The following LCOR variants were observed in gnomAD, a reference collection of about 807,000 sequenced individuals.
LCOR encodes the protein ligand-dependent corepressor.
In LCOR, 14 loss-of-function variants were observed where a neutral mutation model predicts 64.4. That is an observed-to-expected ratio of 0.22 (90% CI 0.14 to 0.34). LCOR has a LOEUF of 0.34. LCOR is among the 10% of genes least tolerant of loss of function. The pLI, the probability that LCOR is intolerant of heterozygous loss-of-function variation, is 1.00. For synonymous variants in LCOR, 643 were observed against 642.5 expected (o/e 1.00, Z -0.01); for missense variants, 1,686 against 1,765.3 (o/e 0.96, Z 0.80).
intron 4 of LCOR, among the ~76,000 whole-genome samples, chr10:96,917,038 A>G (rs1468173326): frequency 6.6e-6 from 1 of 152,210 alleles, no homozygotes; most frequent in Non-Finnish European, 1.5e-5. Flanking sequence ...ATTTCCAGAG[A>G]CGTTTGGTAT....
chr10:96,983,421 G>A lies in LCOR; in HGVS notation c.2961G>A (p.Val987=). Residue 987 remains valine (V), a synonymous_variant, in exon 8 of 8, where the codon GTG becomes GTA. Transcript: ENST00000421806. This position sits in a 1 kb window ranked among gnomAD's most constrained non-coding sequence, Gnocchi z 4.5. ...EEPGHIPTQH[V]EEAVNEVDNE... ...CAGGGCATATTCCCACACAGCATGT[G>A]GAGGAGGCTGTGAATGAGGTAGACA... is the stretch of plus-strand genomic sequence containing the variant. 6.2e-7 allele frequency: 1 copy of A among 1,614,198 alleles called. No individual in the cohort carries two copies. The highest frequency in any genetic ancestry group is 8.5e-7 in the Non-Finnish European group (1 of 1,180,042).
At chr10:96,885,875 T>C (rs767347425) in intron 2 of LCOR, among the ~76,000 whole-genome samples, 1 of 152,154 alleles carries the variant, frequency 6.6e-6, no homozygotes, top group Non-Finnish European at 1.5e-5. Context: ...TTTCTTGATA[T>C]GTTTCCCTTA....
intron 7 of LCOR, chr10:96,964,003 C>T (rs1847920658): frequency 6.6e-6 from 1 of 152,100 alleles, no homozygotes; most frequent in Non-Finnish European, 1.5e-5. Flanking sequence ...TTTAATATTT[C>T]TCTTGTACTG....
intron 1 of LCOR, among the ~76,000 whole-genome samples, chr10:96,832,780 C>T (rs1391605063): frequency 6.6e-5 from 10 of 150,584 alleles, no homozygotes; most frequent in African/African-American, 2.4e-4. Flanking sequence ...ACTCGCCTCG[C>T]GGCGCTGCCG....
Position 96,947,432 on chromosome 10 carries a change from A to G in LCOR, c.-50-1576A>G, listed in dbSNP as rs184787123. Among the ~76,000 whole-genome samples, 244 of 152,204 alleles carry G rather than the reference A, an allele frequency of 1.6e-3. 1 individual carries two copies. The highest frequency in any genetic ancestry group is 6.8e-3 in the Middle Eastern group (2 of 292). On this transcript the variant is annotated intron_variant, in intron 5 of 7. Coordinates refer to ENST00000421806, the MANE Select transcript of LCOR (RefSeq NM_001346516.2). ...TTGATGATGTATTTGTTTGTTGTTT[A>G]TTATGGAGATTTTAGATTTTAGTAA...
At chr10:96,959,821 A>C (rs747773350) in intron 7 of LCOR, 1 of 152,160 alleles carries the variant, frequency 6.6e-6, no homozygotes, top group Non-Finnish European at 1.5e-5. Context: ...GCTTTGTGTG[A>C]TAATAGGGGT....
At position 96,991,175 on chromosome 10, in the gene LCOR, T is replaced by C. The variant is rs186548769; in HGVS notation, c.*6041T>C. On this transcript the variant is annotated 3_prime_UTR_variant, in exon 8 of 8. Transcript: ENST00000421806. ...ACAGGCACAACTTTTTTTTTTCATA[T>C]GCTCCAACATTTTTTTCATACAGTC... The C allele has an allele frequency of 6.6e-6, 1 of 152,080 alleles. No individual in the cohort carries two copies. The highest frequency in any genetic ancestry group is 2.1e-4 in the South Asian group (1 of 4,822). The allele number at this position is 152,080 out of a possible 1,614,324, so 9.4% of individuals were successfully genotyped here.
intron 2 of LCOR, among the ~76,000 whole-genome samples, chr10:96,891,700 G>A (rs938406542): frequency 2.0e-5 from 3 of 151,350 alleles, no homozygotes; most frequent in African/African-American, 7.3e-5. Flanking sequence ...ACGCCACCAC[G>A]TCCAACTAAT....
At chr10:96,899,433 C>T (rs1846596441) in intron 2 of LCOR, among the ~76,000 whole-genome samples, 1 of 152,042 alleles carries the variant, frequency 6.6e-6, no homozygotes, top group South Asian at 2.1e-4. Flanking sequence ...AAATAATATT[C>T]TTGATGGCTT....
At chr10:96,966,220 CTTTTTTTTTTTTTT>C (rs34210121) in intron 7 of LCOR, among the ~76,000 whole-genome samples, 597 of 55,136 alleles carry the variant, frequency 0.011, 6 homozygotes, top group Non-Finnish European at 0.015. Flanking sequence ...CCAAAGGACT[CTTTTTTTTTTTTTT>C]TTTTTTTTTT....
intron 4 of LCOR, among the ~76,000 whole-genome samples, chr10:96,943,170 A>G (rs761457509): frequency 3.3e-5 from 5 of 152,170 alleles, no homozygotes; most frequent in Non-Finnish European, 7.3e-5. Flanking sequence ...CATAATCTCA[A>G]GTGCAACCTC....
chr10:96,982,506 T>C lies in LCOR; in HGVS notation c.2046T>C (p.Ser682=), dbSNP rs199784223. The C allele has an allele frequency of 6.8e-6, 11 of 1,614,178 alleles. No individual in the cohort carries two copies. In the East Asian group the frequency reaches 2.5e-4, roughly 36 times the overall value. ...CTGAAAGCTTTTCCGGGGGAGTCAG[T>C]GAAGATGTCATTTCTAGGCCTCATT... ...PSTESFSGGV[S]EDVISRPHSP... Residue 682 remains serine, a synonymous_variant, in exon 8 of 8, where the codon AGT becomes AGC. Transcript: ENST00000421806.
At chr10:96,925,056 T>A (rs539346959) in intron 4 of LCOR, among the ~76,000 whole-genome samples, 92 of 150,782 alleles carry the variant, frequency 6.1e-4, no homozygotes, top group African/African-American at 1.9e-3. Flanking sequence ...TTATTTATTT[T>A]ATTTATTTAT....
At chr10:96,866,941 G>A (rs1016239896) in intron 2 of LCOR, among the ~76,000 whole-genome samples, 1 of 152,006 alleles carries the variant, frequency 6.6e-6, no homozygotes, top group Admixed American at 6.6e-5. Context: ...ATGAGAGATT[G>A]GTTTTTCCAC....
chr10:96,926,828 A>T (rs1019375761), intron 4 of LCOR, among the ~76,000 whole-genome samples: 1 of 152,008 alleles, frequency 6.6e-6, no homozygotes, highest in African/African-American at 2.4e-5. Context: ...TGTTAGCATA[A>T]TTTTTTGGGT....
chr10:96,945,018 A>G (rs2030222477), intron 5 of LCOR, among the ~76,000 whole-genome samples: 1 of 152,164 alleles, frequency 6.6e-6, no homozygotes, highest in Non-Finnish European at 1.5e-5. Flanking sequence ...TTTACTTTTA[A>G]GAAATTCTAA....
intron 4 of LCOR, among the ~76,000 whole-genome samples, chr10:96,915,203 C>T (rs1300950829): frequency 6.6e-6 from 1 of 152,162 alleles, no homozygotes; most frequent in East Asian, 1.9e-4. Context: ...ATTCTGTGTG[C>T]TCACAGCATA....
At chr10:96,879,509 A>C (rs1298783138) in intron 2 of LCOR, among the ~76,000 whole-genome samples, 11 of 152,206 alleles carry the variant, frequency 7.2e-5, no homozygotes, top group Admixed American at 7.2e-4. Flanking sequence ...TTATTTTCAC[A>C]ATATAAAAAA....
At chr10:96,942,851 CATT>C (rs1357572912) in intron 4 of LCOR, among the ~76,000 whole-genome samples, 1 of 152,096 alleles carries the variant, frequency 6.6e-6, no homozygotes, top group Non-Finnish European at 1.5e-5. Context: ...GAAATAAAGA[CATT>C]AATTCATACA....
Sources: allele counts gnomAD v4.1 joint callset (sites outside exome capture counted in the v4.1 genomes callset), GRCh38; gene constraint gnomAD v4.1.1; non-coding constraint Gnocchi (gnomAD v3.1); transcripts MANE v1.5; gene names NCBI Gene and HGNC (gene_info 2026-07-23, HGNC 2026-07-21).